Variants in KMT5A observed in about 807,000 individuals in gnomAD.
The protein encoded by KMT5A is lysine methyltransferase 5A.
A neutral mutation model predicts 40.6 loss-of-function variants in KMT5A; 6 were observed. That is an observed-to-expected ratio of 0.15 (90% CI 0.08 to 0.29). The LOEUF is 0.29. KMT5A is among the 10% of genes least tolerant of loss of function. KMT5A has a pLI of 1.00. For synonymous variants in KMT5A, 153 were observed against 178.8 expected (o/e 0.86, Z 1.15); for missense variants, 308 against 459.1 (o/e 0.67, Z 3.01).
At chr12:123,401,920 T>C (rs947016540) in intron 5 of KMT5A, among the ~76,000 whole-genome samples, 2 of 152,168 alleles carry the variant, frequency 1.3e-5, no homozygotes, top group Non-Finnish European at 2.9e-5. Flanking sequence ...TCTCACTCTG[T>C]TGCCCAGGCA....
At chr12:123,396,535 T>C in intron 5 of KMT5A, 103 bp downstream of exon 5, 3 of 1,094,530 alleles carry the variant, frequency 2.7e-6, no homozygotes, top group Non-Finnish European at 4.1e-6. Flanking sequence ...GTTTTCGTCA[T>C]CTTGGAGCAA....
chr12:123,385,533 C>A (rs1197286789), intron 1 of KMT5A, among the ~76,000 whole-genome samples: 1 of 152,090 alleles, frequency 6.6e-6, no homozygotes, highest in East Asian at 1.9e-4. Context: ...AACCATCTAT[C>A]ATTGAAATAC....
chr12:123,385,964 A>C (rs1355116157), intron 1 of KMT5A, among the ~76,000 whole-genome samples: 1 of 152,130 alleles, frequency 6.6e-6, no homozygotes, highest in Non-Finnish European at 1.5e-5. Flanking sequence ...TGGAAGAGGA[A>C]GCGTGAAGTC....
intron 2 of KMT5A, chr12:123,390,267 T>A (rs1262696490): frequency 2.5e-6 from 1 of 405,410 alleles, no homozygotes; most frequent in African/African-American, 2.1e-5. Context: ...TCCCTGCGGC[T>A]CCTGCCAGGG....
At chr12:123,386,672 T>C (rs1876891833) in intron 1 of KMT5A, among the ~76,000 whole-genome samples, 1 of 152,122 alleles carries the variant, frequency 6.6e-6, no homozygotes, top group South Asian at 2.1e-4. Flanking sequence ...CTCACTCATT[T>C]TGAAGTTTTA....
At chr12:123,404,804 C>T (rs1878412931) in intron 6 of KMT5A, 80 bp from the exon 7 acceptor site, 1 of 1,419,638 alleles carries the variant, frequency 7.0e-7, no homozygotes, top group Non-Finnish European at 9.6e-7. Context: ...CTGGGGTAAG[C>T]CCCAGCTCCC....
At chr12:123,395,346 A>C in intron 4 of KMT5A, 80 bp downstream of exon 4, 2 of 1,436,502 alleles carry the variant, frequency 1.4e-6, no homozygotes, top group Non-Finnish European at 1.9e-6. Context: ...TCAGGTGCCC[A>C]TGGGGGTTCA....
Position 123,395,193 on chromosome 12 carries a change from G to T in KMT5A, c.436G>T (p.Asp146Tyr). 1 of 1,613,448 alleles carries T rather than the reference G, an allele frequency of 6.2e-7. No individual in the cohort carries two copies. Among genetic ancestry groups the T allele is most frequent in the Non-Finnish European group, 8.5e-7 (1 of 1,179,760 alleles). ...TCCAAAAACTCCACCCTCATCTTGT[G>T]ATTCCACCAATGCAGCCATCGCCAA... is the stretch of plus-strand genomic sequence containing the variant. The part of the protein sequence containing the change: ...EPPKTPPSSC[D>Y]STNAAIAKQA... Residue 146 changes from aspartate (D) to tyrosine (Y), a missense_variant, in exon 4 of 8, where the codon GAT (aspartate) becomes TAT (tyrosine). This residue lies in a region of KMT5A where 127 missense variants were observed against 129.8 expected (regional missense o/e 0.98). Transcript: ENST00000402868.
At chr12:123,401,705 C>G (rs1217879418) in intron 5 of KMT5A, among the ~76,000 whole-genome samples, 6 of 152,034 alleles carry the variant, frequency 3.9e-5, no homozygotes, top group Non-Finnish European at 5.9e-5. Flanking sequence ...CCTCAGCCTC[C>G]TGAGTAGCCG....
intron 5 of KMT5A, among the ~76,000 whole-genome samples, chr12:123,401,304 ATG>A (rs1878146460): frequency 6.6e-6 from 1 of 150,732 alleles, no homozygotes; most frequent in Non-Finnish European, 1.5e-5. Flanking sequence ...GCCCACCACC[ATG>A]CCCGGCTAAT....
chr12:123,404,285 C>T (rs562172608), intron 6 of KMT5A, among the ~76,000 whole-genome samples: 2 of 152,266 alleles, frequency 1.3e-5, no homozygotes, highest in East Asian at 1.9e-4. Flanking sequence ...ACTAGGGCTC[C>T]GGGTTCAGAA....
chr12:123,386,176 C>A (rs535490606), intron 1 of KMT5A, among the ~76,000 whole-genome samples: 1 of 151,850 alleles, frequency 6.6e-6, no homozygotes, highest in East Asian at 1.9e-4. Flanking sequence ...CTTTACTGCC[C>A]TTGCAAGCTA....
rs138065510 is a variant in KMT5A, at chr12:123,408,504, TAAAA to T, written c.*806_*809del. On this transcript the variant is annotated 3_prime_UTR_variant, in exon 8 of 8. Coordinates refer to ENST00000402868, the MANE Select transcript of KMT5A (RefSeq NM_020382.7). ...AATAAAAATTTAAAAAAATTAAAAA[TAAAA>T]AAAACCACAGAAAACAACTTTACAT... The T allele has an allele frequency of 4.6e-4, 61 of 132,128 alleles. No homozygotes were observed. The highest frequency in any genetic ancestry group is 1.6e-3 in the Admixed American group (20 of 12,784). 8.2% of individuals were successfully genotyped at this position (132,128 alleles called of 1,614,324 possible).
chr12:123,389,131 T>TGGTGGCCGGGCCGCGGCGGC (rs1877061513), intron 1 of KMT5A: 2 of 35,032 alleles, frequency 5.7e-5, no homozygotes, highest in Non-Finnish European at 1.1e-4. Flanking sequence ...GCGGCGCTGG[T>TGGTGGCCGGGCCGCGGCGGC]GGCGGCGGCG....
At chr12:123,402,855 T>G (rs116438426) in intron 5 of KMT5A, among the ~76,000 whole-genome samples, 1 of 152,200 alleles carries the variant, frequency 6.6e-6, no homozygotes, top group East Asian at 1.9e-4. Flanking sequence ...ACCAGAGCCA[T>G]GTGGACTGCG....
Position 123,384,871 on chromosome 12 carries a change from G to A in KMT5A, c.10+663G>A, listed in dbSNP as rs1483032081. Reference sequence around the variant, plus strand: ...GGGTGGGCTTGTACAGCCCTGGGAGGCGATGCCCTGTCTGAAGTCCTCTGC... The same window carrying A: ...GGGTGGGCTTGTACAGCCCTGGGAGACGATGCCCTGTCTGAAGTCCTCTGC... On this transcript the variant is annotated intron_variant, in intron 1 of 7. Transcript: ENST00000402868. This position sits in a 1 kb window ranked among gnomAD's most constrained non-coding sequence, Gnocchi z 5.7. 1.3e-5 allele frequency among the ~76,000 whole-genome samples: 2 copies of A among 152,174 alleles called. No homozygotes were observed. Among genetic ancestry groups the A allele is most frequent in the Non-Finnish European group, 2.9e-5 (2 of 68,000 alleles).
intron 5 of KMT5A, among the ~76,000 whole-genome samples, chr12:123,397,469 A>G (rs1420009961): frequency 1.3e-5 from 2 of 152,202 alleles, no homozygotes; most frequent in Non-Finnish European, 2.9e-5. Context: ...AAATGCGCAG[A>G]TACACAGTGG....
chr12:123,407,368 T>C, intron 7 of KMT5A, 125 bp from the exon 8 acceptor site: 1 of 946,982 alleles, frequency 1.1e-6, no homozygotes, highest in South Asian at 1.7e-5. Flanking sequence ...CTTTATGAAT[T>C]GAATCTTTTC....
chr12:123,389,180 CA>C (rs1424470028), intron 1 of KMT5A: 19 of 124,076 alleles, frequency 1.5e-4, no homozygotes, highest in Non-Finnish European at 3.0e-4. Flanking sequence ...GGCCGGGCTG[CA>C]GGTGGGTGTG....
Sources: gnomAD v4.1 joint callset for allele counts (sites outside exome capture counted in the v4.1 genomes callset) on GRCh38, gnomAD v4.1.1 for gene constraint, gnomAD v4.1.1 regional missense constraint, Gnocchi (gnomAD v3.1) non-coding constraint, MANE v1.5 for transcripts, NCBI Gene and HGNC (gene_info 2026-07-23, HGNC 2026-07-21) for gene names.